The following PIWIL2 variants were observed in gnomAD, a reference collection of about 807,000 sequenced individuals.
PIWIL2 encodes piwi like RNA-mediated gene silencing 2, also known as piwi-like protein 2.
In PIWIL2, 81 loss-of-function variants were observed where a neutral mutation model predicts 116.5. The observed-to-expected ratio is 0.70, with a 90% CI of 0.58 to 0.84. The LOEUF (loss-of-function observed/expected upper bound fraction) is 0.84. Ranked by LOEUF, PIWIL2 falls within the 40% of genes least tolerant of loss-of-function variation. The pLI is 0.00. For synonymous variants in PIWIL2, 489 were observed against 429.5 expected (o/e 1.14, Z -1.71); for missense variants, 1,272 against 1,212.3 (o/e 1.05, Z -0.73).
intron 20 of PIWIL2, among the ~76,000 whole-genome samples, chr8:22,338,085 TC>T (rs1230054016): frequency 6.7e-6 from 1 of 150,168 alleles, no homozygotes; most frequent in Non-Finnish European, 1.5e-5. Context: ...AGAGCGAGAC[TC>T]CATCTCAAAA....
At chr8:22,351,436 CATACATATATATATATATATATATATAT>C (rs1225908302) in intron 20 of PIWIL2, among the ~76,000 whole-genome samples, 1,558 of 46,266 alleles carry the variant, frequency 0.034, 101 homozygotes, top group African/African-American at 0.092. Flanking sequence ...ACAGTGCATA[CATACATATATATATATATATATATATAT>C]ATATATATAT....
intron 10 of PIWIL2, among the ~76,000 whole-genome samples, chr8:22,302,128 T>C (rs931220437): frequency 1.3e-5 from 2 of 152,120 alleles, no homozygotes; most frequent in Non-Finnish European, 2.9e-5. Context: ...TTTGGAGATT[T>C]CTTATTTTTC....
At chr8:22,301,485 G>T (rs1040955979) in intron 10 of PIWIL2, among the ~76,000 whole-genome samples, 7 of 149,934 alleles carry the variant, frequency 4.7e-5, no homozygotes, top group African/African-American at 1.7e-4. Context: ...GTAGAGATGG[G>T]GTTTCACCAT....
In PIWIL2 at chr8:22,307,966, C is replaced by A; in HGVS notation, c.1579C>A (p.Gln527Lys). Residue 527 changes from glutamine (Q) to lysine (K), a missense_variant, in exon 14 of 23, where the codon CAA becomes AAA. Physicochemically the swap from Gln to Lys is moderately conservative, Grantham distance 53. Transcript: ENST00000356766. Reference sequence around the variant, plus strand: ...TCAGCAAATCAATCTGAGCCCCAAGCAACACCATAGTGCTTTGGAATGCTT... The same window carrying A: ...TCAGCAAATCAATCTGAGCCCCAAGAAACACCATAGTGCTTTGGAATGCTT... Reference protein sequence around the residue: ...LAQQINLSPKQHHSALECLLQ... With the variant: ...LAQQINLSPKKHHSALECLLQ... The A allele has an allele frequency of 6.2e-7, 1 of 1,612,368 alleles. No homozygotes were observed. The highest frequency in any genetic ancestry group is 8.5e-7 in the Non-Finnish European group (1 of 1,179,012).
intron 20 of PIWIL2, among the ~76,000 whole-genome samples, chr8:22,345,218 T>A (rs1175058662): frequency 6.6e-6 from 1 of 152,192 alleles, no homozygotes; most frequent in Non-Finnish European, 1.5e-5. Context: ...TAAACAGATT[T>A]ACCACATGAC....
At chr8:22,328,574 C>T (rs1192663064) in intron 20 of PIWIL2, among the ~76,000 whole-genome samples, 1 of 151,962 alleles carries the variant, frequency 6.6e-6, no homozygotes, top group Non-Finnish European at 1.5e-5. Flanking sequence ...CACAGGATGT[C>T]TTTCTATTTA....
intron 10 of PIWIL2, among the ~76,000 whole-genome samples, chr8:22,295,902 A>G (rs1295772589): frequency 6.6e-6 from 1 of 152,112 alleles, no homozygotes; most frequent in Non-Finnish European, 1.5e-5. Flanking sequence ...TTAATGAGCC[A>G]TTCCTACTGA....
rs775125895 is a variant in PIWIL2, at chr8:22,279,518, T to C, written c.132T>C (p.Pro44=). Residue 44 remains proline, a synonymous_variant, in exon 2 of 23, where the codon CCT becomes CCC. Transcript: ENST00000356766. Reference sequence around the variant, plus strand: ...ACCCAGCTCTGGGCAGGGGAGCACCTGCAGGCAGAGGCCATGTATTTGGAA... The same window carrying C: ...ACCCAGCTCTGGGCAGGGGAGCACCCGCAGGCAGAGGCCATGTATTTGGAA... ...PLDPALGRGA[P]AGRGHVFGKP... is the part of the protein sequence containing the mutation. The C allele has an allele frequency of 1.2e-6, 2 of 1,614,168 alleles. No individual in the cohort carries two copies. The highest frequency in any genetic ancestry group is 1.7e-6 in the Non-Finnish European group (2 of 1,180,046).
In PIWIL2 at chr8:22,355,602, G is replaced by T; in HGVS notation, c.*97G>T. On this transcript the variant is annotated 3_prime_UTR_variant, in exon 23 of 23. Coordinates refer to ENST00000356766, the MANE Select transcript of PIWIL2 (RefSeq NM_018068.5). Reference sequence around the variant, plus strand: ...AACAGAGACTGAAGTGGGCTTTTGTGTTATAATTTTCCCTTTCTCCAACCC... The same window carrying T: ...AACAGAGACTGAAGTGGGCTTTTGTTTTATAATTTTCCCTTTCTCCAACCC... The T allele has an allele frequency of 1.8e-6, 2 of 1,121,828 alleles. No individual in the cohort carries two copies. The highest frequency in any genetic ancestry group is 2.6e-6 in the Non-Finnish European group (2 of 780,668). The allele number at this position is 1,121,828 out of a possible 1,614,324, so 69.5% of individuals were successfully genotyped here.
chr8:22,303,974 T>C (rs1831113554), intron 10 of PIWIL2, 47 bp from the exon 11 acceptor site: 1 of 1,288,166 alleles, frequency 7.8e-7, no homozygotes, highest in Non-Finnish European at 1.1e-6. Context: ...TTTCATACTG[T>C]TCTGGATATA....
chr8:22,286,882 A>G (rs1049293176), intron 6 of PIWIL2, among the ~76,000 whole-genome samples: 13 of 151,956 alleles, frequency 8.6e-5, no homozygotes, highest in Non-Finnish European at 1.6e-4. Context: ...TCGGCCTCCC[A>G]AAGTGCTGGG....
At chr8:22,310,226 A>G in intron 15 of PIWIL2, 152 bp downstream of exon 15, 2 of 567,700 alleles carry the variant, frequency 3.5e-6, no homozygotes, top group Non-Finnish European at 6.3e-6. Flanking sequence ...TCCTTCAAAC[A>G]GAGCAGTTGA....
intron 2 of PIWIL2, among the ~76,000 whole-genome samples, chr8:22,279,950 C>A (rs1830463149): frequency 6.6e-6 from 1 of 152,178 alleles, no homozygotes; most frequent in South Asian, 2.1e-4. Flanking sequence ...GAGCGAGACT[C>A]CATCTCAAAC....
At chr8:22,322,157 T>G (rs1365934538) in intron 20 of PIWIL2, among the ~76,000 whole-genome samples, 1 of 152,164 alleles carries the variant, frequency 6.6e-6, no homozygotes, top group East Asian at 1.9e-4. Context: ...GTTACATAAA[T>G]GTTTCCAAAT....
chr8:22,319,116 A>G (rs899927120), intron 20 of PIWIL2, among the ~76,000 whole-genome samples: 1 of 152,224 alleles, frequency 6.6e-6, no homozygotes, highest in Admixed American at 6.5e-5. Context: ...GGAAGCACTG[A>G]TAAGTGCCTT....
rs754976921 is a variant in PIWIL2 at position 22,279,567 on chromosome 8, A to C, written c.181A>C (p.Arg61=). The change falls in exon 2 of 23, where the codon AGG becomes CGG. Residue 61 remains arginine, a synonymous_variant. Coordinates refer to ENST00000356766, the MANE Select transcript of PIWIL2 (RefSeq NM_018068.5). ...FGKPEEPSTQ[R]GPAQRESVGL... The stretch of plus-strand genomic sequence containing the variant: ...AAAGCCAGAGGAACCAAGCACACAG[A>C]GGGGGCCAGCACAAAGGGTAAGACC... 38 of 1,614,000 alleles carry C rather than the reference A, an allele frequency of 2.4e-5. No individual in the cohort carries two copies. The highest frequency in any genetic ancestry group is 3.2e-5 in the Non-Finnish European group (38 of 1,179,978).
intron 10 of PIWIL2, among the ~76,000 whole-genome samples, chr8:22,296,201 G>A (rs780156131): frequency 1.3e-4 from 20 of 151,794 alleles, no homozygotes; most frequent in African/African-American, 2.9e-4. Flanking sequence ...GACTACAGGC[G>A]TGCGCCACCA....
At chr8:22,293,657 C>G (rs1037438776) in intron 10 of PIWIL2, among the ~76,000 whole-genome samples, 4 of 152,164 alleles carry the variant, frequency 2.6e-5, no homozygotes, top group Non-Finnish European at 5.9e-5. Context: ...ATGGATTTAC[C>G]TTGATATGAA....
At chr8:22,346,183 C>A (rs764094698) in intron 20 of PIWIL2, among the ~76,000 whole-genome samples, 3 of 152,072 alleles carry the variant, frequency 2.0e-5, no homozygotes, top group Non-Finnish European at 4.4e-5. Flanking sequence ...TTGATCACAC[C>A]ACTGCACTCA....
Sources: gnomAD v4.1 joint callset for allele counts (sites outside exome capture counted in the v4.1 genomes callset) on GRCh38, gnomAD v4.1.1 for gene constraint, MANE v1.5 for transcripts, NCBI Gene and HGNC (gene_info 2026-07-23, HGNC 2026-07-21) for gene names.